Variants in NFIB observed in about 807,000 individuals in gnomAD.
NFIB encodes nuclear factor I B.
NFIB carries 11 observed loss-of-function variants against 61.5 expected under a neutral mutation model. That is an observed-to-expected ratio of 0.18 (90% CI 0.11 to 0.30). NFIB has a LOEUF of 0.30. NFIB is among the 10% of genes least tolerant of loss of function. The pLI, the probability that NFIB is intolerant of heterozygous loss-of-function variation, is 1.00. For missense variants in NFIB, 471 were observed against 608.9 expected (o/e 0.77, Z 2.38); for synonymous variants, 260 against 216.5 (o/e 1.20, Z -1.76).
chr9:14,347,689 CG>C (rs1382821098), intron 1 of NFIB, among the ~76,000 whole-genome samples: 1 of 151,984 alleles, frequency 6.6e-6, no homozygotes, highest in Non-Finnish European at 1.5e-5. Context: ...ACTGGGGGGT[CG>C]GGTGACTGTG....
At chr9:14,350,427 C>G (rs929029437) in intron 1 of NFIB, among the ~76,000 whole-genome samples, 2 of 146,104 alleles carry the variant, frequency 1.4e-5, no homozygotes, top group East Asian at 4.4e-4. Context: ...GGAGATCAGT[C>G]GGAGTTGTTG....
intron 2 of NFIB, among the ~76,000 whole-genome samples, chr9:14,181,984 T>C (rs934336160): frequency 6.6e-6 from 1 of 152,226 alleles, no homozygotes; most frequent in Non-Finnish European, 1.5e-5. Context: ...CATCATCTGT[T>C]GCTAAAATTT....
At chr9:14,133,350 C>T (rs1388503974) in intron 6 of NFIB, among the ~76,000 whole-genome samples, 2 of 152,116 alleles carry the variant, frequency 1.3e-5, no homozygotes, top group East Asian at 3.9e-4. Flanking sequence ...TTTAGCTTAA[C>T]TGGGATATTT....
chr9:14,206,045 G>C (rs759180921), intron 2 of NFIB, among the ~76,000 whole-genome samples: 11 of 151,892 alleles, frequency 7.2e-5, no homozygotes, highest in East Asian at 3.9e-4. Flanking sequence ...TTTATCCTTT[G>C]TTTAATTAGT....
intron 3 of NFIB, among the ~76,000 whole-genome samples, chr9:14,179,292 C>T (rs1225510569): frequency 6.6e-6 from 1 of 152,036 alleles, no homozygotes; most frequent in East Asian, 1.9e-4. Context: ...TGCAAAAATC[C>T]TTCAGTGAAA....
chr9:14,380,398 G>A (rs2061473859), intron 1 of NFIB, among the ~76,000 whole-genome samples: 1 of 152,212 alleles, frequency 6.6e-6, no homozygotes. Context: ...CCAGAATTTG[G>A]CCCAATAAAA....
At chr9:14,327,600 T>G (rs1167583013) in intron 1 of NFIB, among the ~76,000 whole-genome samples, 1 of 152,140 alleles carries the variant, frequency 6.6e-6, no homozygotes, top group Non-Finnish European at 1.5e-5. Flanking sequence ...TGCTAATATT[T>G]TCCTCCAAAT....
chr9:14,448,838 A>T, the NFIB span, among the ~76,000 whole-genome samples: 2 of 152,294 alleles, frequency 1.3e-5, no homozygotes, highest in African/African-American at 4.8e-5. Flanking sequence ...CAATATTCCC[A>T]TTCATTTTTC....
chr9:14,242,935 A>C (rs2054505899), intron 2 of NFIB, among the ~76,000 whole-genome samples: 2 of 152,354 alleles, frequency 1.3e-5, no homozygotes, highest in Middle Eastern at 3.4e-3. Flanking sequence ...TTCTGAACAT[A>C]TGCCTATGCA....
chr9:14,157,793 T>C (rs986094557), intron 3 of NFIB, among the ~76,000 whole-genome samples: 1 of 152,156 alleles, frequency 6.6e-6, no homozygotes, highest in Admixed American at 6.6e-5. Context: ...TGTTATTGTT[T>C]ATAGTTCATT....
chr9:14,348,656 G>A (rs528815978), intron 1 of NFIB, among the ~76,000 whole-genome samples: 1 of 152,238 alleles, frequency 6.6e-6, no homozygotes, highest in East Asian at 1.9e-4. Context: ...GCGCAATACT[G>A]GCAGCAGTGG....
At chr9:14,420,006 T>C in the NFIB span, among the ~76,000 whole-genome samples, 1 of 151,928 alleles carries the variant, frequency 6.6e-6, no homozygotes, top group Non-Finnish European at 1.5e-5. Context: ...TAATATCAGG[T>C]TGGGGACAGG....
rs1042440294 is a variant in NFIB at position 14,148,123 on chromosome 9, TTTTG to T, written c.807-1320_807-1317del. Among the ~76,000 whole-genome samples the T allele has an allele frequency of 1.4e-4, 22 of 152,206 alleles. No individual in the cohort carries two copies. In the East Asian group the frequency reaches 2.1e-3, roughly 15 times the overall value. ...ACTATAAAAGTGAATTCTTTTCTTT[TTTTG>T]TTTGTTTGTTTTTGAGACAGGGTCT... On this transcript the variant is annotated intron_variant, in intron 5 of 10. Coordinates refer to ENST00000380953, the MANE Select transcript of NFIB (RefSeq NM_001190737.2).
intron 2 of NFIB, among the ~76,000 whole-genome samples, chr9:14,263,238 T>C (rs1268123509): frequency 6.6e-6 from 1 of 151,902 alleles, no homozygotes. Flanking sequence ...ACTGCATTAT[T>C]TAAAGGTGGA....
At chr9:14,364,030 A>G (rs147899391) in intron 1 of NFIB, among the ~76,000 whole-genome samples, 1 of 152,320 alleles carries the variant, frequency 6.6e-6, no homozygotes, top group African/African-American at 2.4e-5. Context: ...ACTCTTAAAC[A>G]TCTTTGAGCA....
chr9:14,515,304 C>G, the NFIB span, among the ~76,000 whole-genome samples: 4 of 152,270 alleles, frequency 2.6e-5, no homozygotes, highest in South Asian at 2.1e-4. Flanking sequence ...GAAGTAATGT[C>G]TTAGCCAGGG....
chr9:14,252,809 T>C (rs947928899), intron 2 of NFIB, among the ~76,000 whole-genome samples: 1 of 152,088 alleles, frequency 6.6e-6, no homozygotes, highest in Non-Finnish European at 1.5e-5. Flanking sequence ...AAAAATAATG[T>C]CTTTCCATCT....
At chr9:14,202,827 C>G (rs2049201024) in intron 2 of NFIB, among the ~76,000 whole-genome samples, 1 of 152,146 alleles carries the variant, frequency 6.6e-6, no homozygotes, top group Non-Finnish European at 1.5e-5. Flanking sequence ...CCAAATTTAG[C>G]TTTACAACTC....
the NFIB span, among the ~76,000 whole-genome samples, chr9:14,437,426 G>A: frequency 1.3e-4 from 20 of 152,252 alleles, no homozygotes; most frequent in Non-Finnish European, 1.8e-4. Context: ...ATTTAAGTTG[G>A]GTGTAAGCAA....
Sources: allele counts gnomAD v4.1 joint callset (sites outside exome capture counted in the v4.1 genomes callset), GRCh38; gene constraint gnomAD v4.1.1; transcripts MANE v1.5; gene names NCBI Gene and HGNC (gene_info 2026-07-23, HGNC 2026-07-21).